TMEM132D: variants seen among roughly 807,000 people sequenced by gnomAD.
TMEM132D encodes transmembrane protein 132D.
Under a neutral mutation model 62.3 loss-of-function variants are expected in TMEM132D, and 21 were observed. The observed-to-expected ratio is 0.34, with a 90% confidence interval of 0.24 to 0.49. TMEM132D has a LOEUF of 0.49. Ranked by LOEUF, TMEM132D falls within the 20% of genes least tolerant of loss-of-function variation. The pLI, the probability that TMEM132D is intolerant of heterozygous loss-of-function variation, is 0.99. For synonymous variants in TMEM132D, 621 were observed against 575.6 expected (o/e 1.08, Z -1.13); for missense variants, 1,346 against 1,402.8 (o/e 0.96, Z 0.65).
At chr12:129,502,752 T>C (rs1875191321) in intron 3 of TMEM132D, among the ~76,000 whole-genome samples, 1 of 152,214 alleles carries the variant, frequency 6.6e-6, no homozygotes. Context: ...TGATATTCAT[T>C]GGACCTAAAT....
chr12:129,538,285 T>C (rs1876462255), intron 2 of TMEM132D, among the ~76,000 whole-genome samples: 1 of 152,236 alleles, frequency 6.6e-6, no homozygotes, highest in Non-Finnish European at 1.5e-5. Flanking sequence ...CTGTGTACGT[T>C]TCCACACCCA....
intron 2 of TMEM132D, chr12:129,698,162 G>A (rs1380066781): frequency 6.6e-6 from 1 of 152,054 alleles, no homozygotes; most frequent in Non-Finnish European, 1.5e-5. Flanking sequence ...ACCCAGAAAA[G>A]TAAAACACAA....
chr12:129,885,157 T>C lies in TMEM132D; in HGVS notation c.79+18104A>G, dbSNP rs1874710894. 3.3e-5 allele frequency among the ~76,000 whole-genome samples: 5 copies of C among 152,146 alleles called. No individual in the cohort carries two copies. In the South Asian group the frequency reaches 1.0e-3, roughly 32 times the overall value. ...ATTATCAAGGGGCAAGAGGAAACTTTTGAGGGTTACAGAAATGTTCTGTAT... is the reference window on the plus strand; with the variant it reads ...ATTATCAAGGGGCAAGAGGAAACTTCTGAGGGTTACAGAAATGTTCTGTAT... On this transcript the variant is annotated intron_variant, in intron 1 of 8. Transcript: ENST00000422113.
At chr12:129,294,388 T>C (rs1033465759) in intron 4 of TMEM132D, among the ~76,000 whole-genome samples, 2 of 152,214 alleles carry the variant, frequency 1.3e-5, no homozygotes, top group Admixed American at 6.5e-5. Context: ...GATTGGGGCT[T>C]AAACAAGGAA....
intron 4 of TMEM132D, among the ~76,000 whole-genome samples, chr12:129,317,967 A>C (rs757732463): frequency 3.3e-5 from 5 of 152,130 alleles, no homozygotes; most frequent in Non-Finnish European, 5.9e-5. Context: ...CACATTTCTA[A>C]AAATATGTCC....
chr12:129,126,551 C>T (rs1876219659), intron 5 of TMEM132D, among the ~76,000 whole-genome samples: 1 of 152,040 alleles, frequency 6.6e-6, no homozygotes, highest in Non-Finnish European at 1.5e-5. Flanking sequence ...ATCCCATCTG[C>T]ATTGGAGGGA....
chr12:129,455,345 T>C (rs1873432618), intron 3 of TMEM132D, among the ~76,000 whole-genome samples: 1 of 152,208 alleles, frequency 6.6e-6, no homozygotes, highest in Non-Finnish European at 1.5e-5. Context: ...TCTGAGTCTC[T>C]ATTTCATCAA....
At chr12:129,086,201 C>CGCGCGCGTGTGTGT (rs1349816832) in intron 5 of TMEM132D, among the ~76,000 whole-genome samples, 56 of 141,132 alleles carry the variant, frequency 4.0e-4, no homozygotes, top group Admixed American at 2.1e-3. Context: ...CACGCGCGCG[C>CGCGCGCGTGTGTGT]GTGTGTGTGT....
intron 2 of TMEM132D, among the ~76,000 whole-genome samples, chr12:129,683,305 AC>A (rs1408836145): frequency 6.6e-6 from 1 of 152,234 alleles, no homozygotes; most frequent in Non-Finnish European, 1.5e-5. Context: ...CAGTTGTTTA[AC>A]CTTTTTTGTA....
At chr12:129,402,727 ATTCT>A (rs1490998363) in intron 3 of TMEM132D, among the ~76,000 whole-genome samples, 1 of 152,110 alleles carries the variant, frequency 6.6e-6, no homozygotes. Flanking sequence ...GGGTAGAGAA[ATTCT>A]TTCTTTCTCA....
intron 3 of TMEM132D, among the ~76,000 whole-genome samples, chr12:129,480,543 G>A (rs1874397679): frequency 6.6e-6 from 1 of 152,184 alleles, no homozygotes; most frequent in African/African-American, 2.4e-5. Context: ...GAGCTTTGCA[G>A]CAATGCTGTC....
chr12:129,187,602 G>C (rs1878254365), intron 5 of TMEM132D, among the ~76,000 whole-genome samples: 1 of 114,780 alleles, frequency 8.7e-6, no homozygotes, highest in African/African-American at 3.1e-5. Context: ...GGACCCAGCT[G>C]TGCAATGGGA....
At chr12:129,090,724 C>T (rs1176694474) in intron 5 of TMEM132D, among the ~76,000 whole-genome samples, 1 of 152,060 alleles carries the variant, frequency 6.6e-6, no homozygotes, top group African/African-American at 2.4e-5. Flanking sequence ...AAAATTGAGC[C>T]AACATTCAAA....
intron 2 of TMEM132D, among the ~76,000 whole-genome samples, chr12:129,577,519 G>A (rs189161203): frequency 1.8e-4 from 27 of 151,192 alleles, no homozygotes; most frequent in African/African-American, 6.3e-4. Context: ...ACACTGTGAA[G>A]GTCTGCCAGT....
chr12:129,449,867 C>T (rs372469698), intron 3 of TMEM132D, among the ~76,000 whole-genome samples: 14 of 152,276 alleles, frequency 9.2e-5, no homozygotes, highest in African/African-American at 2.9e-4. Flanking sequence ...TATGTTGGAT[C>T]AGTTTGAAGT....
At chr12:129,153,138 C>T (rs1022276547) in intron 5 of TMEM132D, among the ~76,000 whole-genome samples, 2 of 152,126 alleles carry the variant, frequency 1.3e-5, no homozygotes, top group African/African-American at 4.8e-5. Flanking sequence ...ATCCTAAATC[C>T]CAACCCTCGA....
intron 2 of TMEM132D, among the ~76,000 whole-genome samples, chr12:129,550,830 AC>A (rs1876874323): frequency 6.6e-6 from 1 of 152,114 alleles, no homozygotes; most frequent in African/African-American, 2.4e-5. Context: ...AACAGTATAT[AC>A]CTCCTAACCC....
At chr12:129,860,850 A>C (rs977374660) in intron 1 of TMEM132D, among the ~76,000 whole-genome samples, 1 of 152,170 alleles carries the variant, frequency 6.6e-6, no homozygotes, top group Non-Finnish European at 1.5e-5. Context: ...GCCCCTTATA[A>C]AATCATCTGA....
At chr12:129,458,094 A>G (rs7487233) in intron 3 of TMEM132D, among the ~76,000 whole-genome samples, 86,994 of 151,916 alleles carry the variant, frequency 0.57, 24,937 homozygotes, top group East Asian at 0.66. Context: ...TTTCAGACAC[A>G]AAGGAGACAG....
Sources: gnomAD v4.1 joint callset for allele counts (sites outside exome capture counted in the v4.1 genomes callset) on GRCh38, gnomAD v4.1.1 for gene constraint, MANE v1.5 for transcripts, NCBI Gene and HGNC (gene_info 2026-07-23, HGNC 2026-07-21) for gene names.